Variants in NANS observed in about 807,000 individuals in gnomAD.
NANS encodes N-acetylneuraminate synthase, also known as N-acetylneuraminate-9-phosphate synthase.
In NANS, 29 loss-of-function variants were observed where a neutral mutation model predicts 33.3. The ratio of observed to expected loss-of-function variants is 0.87; its 90% CI spans 0.65 to 1.19. The LOEUF is 1.19. NANS is among the 50% of genes most tolerant of loss of function. NANS has a pLI of 0.00. For synonymous variants in NANS, 163 were observed against 177.2 expected, an observed-to-expected ratio of 0.92 and a Z score of 0.64; for missense variants, 394 against 461.1, an observed-to-expected ratio of 0.85 and a Z score of 1.33.
Position 98,060,957 on chromosome 9 carries a change from A to C in NANS, c.308A>C (p.Glu103Ala), listed in dbSNP as rs1587903867. 1 of 1,614,104 alleles carries C rather than the reference A, an allele frequency of 6.2e-7. No homozygotes were observed. The highest frequency in any genetic ancestry group is 2.2e-5 in the East Asian group (1 of 44,878). The part of the protein sequence containing the change: ...DQYRELQRYA[E>A]EVGIFFTASG... ...TACAGGGAGCTGCAGAGGTACGCCG[A>C]GGAGGTTGGGATCTTCTTCACTGCC... Residue 103 changes from glutamate (E) to alanine (A), a missense_variant, in exon 2 of 6, where the codon GAG (glutamate) becomes GCG (alanine). Coordinates refer to ENST00000210444, the MANE Select transcript of NANS (RefSeq NM_018946.4).
At chr9:98,076,621 C>T (rs1370409850) in intron 2 of NANS, 9 of 323,428 alleles carry the variant, frequency 2.8e-5, no homozygotes, top group Admixed American at 5.6e-5. Flanking sequence ...GTGATCTGCC[C>T]GCCTCGGCCT....
chr9:98,071,197 G>A (rs1274003614), intron 2 of NANS, among the ~76,000 whole-genome samples: 1 of 152,206 alleles, frequency 6.6e-6, no homozygotes, highest in African/African-American at 2.4e-5. Context: ...GCTGTGTGGT[G>A]TGTACCTGGC....
At chr9:98,079,753 CTT>C (rs1406485167) in intron 4 of NANS, among the ~76,000 whole-genome samples, 2 of 152,238 alleles carry the variant, frequency 1.3e-5, no homozygotes, top group East Asian at 1.9e-4. Flanking sequence ...TGTCCTCTCT[CTT>C]GACACTACAC....
At chr9:98,080,703 G>C in intron 4 of NANS, 113 bp from the exon 5 acceptor site, 2 of 1,220,896 alleles carry the variant, frequency 1.6e-6, no homozygotes, top group Non-Finnish European at 2.2e-6. Flanking sequence ...TCTTGCCCCT[G>C]GCTGCACAGC....
intron 2 of NANS, chr9:98,076,691 A>G: frequency 2.0e-6 from 1 of 501,376 alleles, no homozygotes. Context: ...GTAGCCAGCA[A>G]AGACCAGCAC....
intron 2 of NANS, among the ~76,000 whole-genome samples, chr9:98,066,614 A>G (rs758482665): frequency 6.6e-6 from 1 of 151,706 alleles, no homozygotes; most frequent in African/African-American, 2.4e-5. Context: ...GCACTCCTCA[A>G]TTGCCCCAAT....
At chr9:98,074,806 A>G (rs993057832) in intron 2 of NANS, 4 of 152,180 alleles carry the variant, frequency 2.6e-5, no homozygotes, top group Non-Finnish European at 5.9e-5. Context: ...CCACACTCCC[A>G]CAAGATGAAC....
intron 2 of NANS, chr9:98,075,113 C>T (rs1280893708): frequency 6.6e-6 from 1 of 150,946 alleles, no homozygotes; most frequent in Non-Finnish European, 1.5e-5. Context: ...TGAGAACAGC[C>T]CGGGCAACAT....
intron 5 of NANS, among the ~76,000 whole-genome samples, chr9:98,082,357 G>C (rs1399986085): frequency 6.6e-6 from 1 of 152,150 alleles, no homozygotes; most frequent in African/African-American, 2.4e-5. Context: ...TTGGCTGTCT[G>C]CAACCCTGGC....
intron 1 of NANS, among the ~76,000 whole-genome samples, chr9:98,058,046 C>T (rs936610552): frequency 6.6e-6 from 1 of 150,970 alleles, no homozygotes; most frequent in African/African-American, 2.4e-5. Context: ...CCTCAGCCTC[C>T]CGAGTAGCTG....
At chr9:98,072,600 A>G (rs145186321) in intron 2 of NANS, among the ~76,000 whole-genome samples, 3,340 of 152,102 alleles carry the variant, frequency 0.022, 128 homozygotes, top group African/African-American at 0.076. Flanking sequence ...TAGTAGAGAC[A>G]GAGTTTCACC....
intron 2 of NANS, among the ~76,000 whole-genome samples, chr9:98,068,540 G>T (rs976460360): frequency 9.9e-5 from 15 of 151,744 alleles, no homozygotes; most frequent in Non-Finnish European, 1.8e-4. Flanking sequence ...TTGGCTGGAT[G>T]CAGTGGCTCA....
intron 2 of NANS, among the ~76,000 whole-genome samples, chr9:98,066,459 A>G (rs1829150418): frequency 6.6e-6 from 1 of 152,188 alleles, no homozygotes; most frequent in Non-Finnish European, 1.5e-5. Flanking sequence ...TTTAAAGAAC[A>G]GTTTTATTGA....
chr9:98,079,236 C>T lies in NANS; in HGVS notation c.603+889C>T, dbSNP rs369434861. On this transcript the variant is annotated intron_variant, in intron 4 of 5. Coordinates refer to ENST00000210444, the MANE Select transcript of NANS (RefSeq NM_018946.4). ...TAGGCCTTTGTCTCTTACTGTCTCA[C>T]GCCATCTCTCTCAGTTCTTCCTGTA... Among the ~76,000 whole-genome samples, 101 of 152,306 alleles carry T rather than the reference C, an allele frequency of 6.6e-4. 1 individual carries two copies. Among genetic ancestry groups the T allele is most frequent in the African/African-American group, 2.2e-3 (92 of 41,564 alleles).
intron 2 of NANS, among the ~76,000 whole-genome samples, chr9:98,061,481 T>G (rs1239280104): frequency 2.7e-5 from 2 of 74,668 alleles, no homozygotes; most frequent in Non-Finnish European, 5.5e-5. Flanking sequence ...CATCTCAAAT[T>G]AAAAAAAAAA....
chr9:98,067,249 C>A (rs762457096), intron 2 of NANS, among the ~76,000 whole-genome samples: 10 of 152,114 alleles, frequency 6.6e-5, no homozygotes, highest in Admixed American at 1.3e-4. Flanking sequence ...GACATGTGTT[C>A]ATTTCTCTTC....
chr9:98,061,022 T>G, intron 2 of NANS, 25 bp downstream of exon 2: 1 of 1,610,224 alleles, frequency 6.2e-7, no homozygotes, highest in Non-Finnish European at 8.5e-7. Flanking sequence ...GCTCTGTCAT[T>G]TGTCACTTTA....
intron 2 of NANS, among the ~76,000 whole-genome samples, chr9:98,066,584 G>A (rs4412474): frequency 0.61 from 92,583 of 151,846 alleles, 30,958 homozygotes; most frequent in African/African-American, 0.89. Context: ...CACCCCCAAA[G>A]GAAAAACTAC....
intron 2 of NANS, among the ~76,000 whole-genome samples, chr9:98,072,443 G>A (rs1353185726): frequency 3.3e-5 from 5 of 149,772 alleles, no homozygotes; most frequent in East Asian, 3.9e-4. Context: ...ACGGAGTCTC[G>A]CTGTGTCGCC....
Sources: gnomAD v4.1 joint callset for allele counts (sites outside exome capture counted in the v4.1 genomes callset) on GRCh38, gnomAD v4.1.1 for gene constraint, MANE v1.5 for transcripts, NCBI Gene and HGNC (gene_info 2026-07-23, HGNC 2026-07-21) for gene names.